PNPLA1: variants seen among roughly 807,000 people sequenced by gnomAD.
PNPLA1 encodes omega-hydroxyceramide transacylase.
A neutral mutation model predicts 51.7 loss-of-function variants in PNPLA1; 36 were observed. The ratio of observed to expected loss-of-function variants is 0.70; its 90% CI spans 0.53 to 0.92. The LOEUF (loss-of-function observed/expected upper bound fraction) is 0.92. PNPLA1 is among the 40% of genes least tolerant of loss of function. The probability of loss-of-function intolerance (pLI) is 0.00; values close to 1 mark genes in which losing one functional copy is unlikely to be tolerated. For missense variants in PNPLA1, 658 were observed against 682.5 expected (o/e 0.96, Z 0.40); for synonymous variants, 293 against 280.1 (o/e 1.05, Z -0.46).
intron 1 of PNPLA1, among the ~76,000 whole-genome samples, chr6:36,248,922 T>C (rs563741384): frequency 6.6e-6 from 1 of 152,338 alleles, no homozygotes; most frequent in Non-Finnish European, 1.5e-5. Flanking sequence ...TCGGCACTGC[T>C]TGTTGCACTG....
chr6:36,277,545 C>T (rs1476972209), intron 1 of PNPLA1, among the ~76,000 whole-genome samples: 1 of 152,192 alleles, frequency 6.6e-6, no homozygotes, highest in Non-Finnish European at 1.5e-5. Context: ...TCTGCCCCTG[C>T]CTGAGACCAA....
chr6:36,301,799 T>C (rs55788625), intron 5 of PNPLA1, 62 bp from the exon 6 acceptor site: 4 of 1,544,494 alleles, frequency 2.6e-6, no homozygotes, highest in African/African-American at 1.4e-5. Context: ...CAAGAAACCA[T>C]TTTTGCAAAG....
chr6:36,297,222 C>T (rs2127348485), intron 5 of PNPLA1, among the ~76,000 whole-genome samples: 1 of 152,336 alleles, frequency 6.6e-6, no homozygotes, highest in African/African-American at 2.4e-5. Context: ...CTCGTGCTGA[C>T]TACCAGCTAT....
At chr6:36,300,699 C>T (rs1048038434) in intron 5 of PNPLA1, among the ~76,000 whole-genome samples, 10 of 152,100 alleles carry the variant, frequency 6.6e-5, no homozygotes, top group Non-Finnish European at 1.3e-4. Flanking sequence ...ACCGCCTGGC[C>T]GAGGTAGTGT....
intron 8 of PNPLA1, among the ~76,000 whole-genome samples, chr6:36,309,849 G>C (rs1040484322): frequency 7.9e-5 from 12 of 152,186 alleles, no homozygotes; most frequent in Admixed American, 4.6e-4. Context: ...GATGGAGAAG[G>C]GGGGAGTGAT....
At chr6:36,255,538 T>C (rs1348317567) in intron 1 of PNPLA1, among the ~76,000 whole-genome samples, 1 of 151,006 alleles carries the variant, frequency 6.6e-6, no homozygotes, top group African/African-American at 2.4e-5. Context: ...AAAAACGAAA[T>C]TGGCCAGGTG....
chr6:36,306,642 T>C (rs1771247156), intron 7 of PNPLA1, among the ~76,000 whole-genome samples: 1 of 152,188 alleles, frequency 6.6e-6, no homozygotes, highest in Non-Finnish European at 1.5e-5. Flanking sequence ...CTTCTCTGAG[T>C]GCAGTGCAAG....
chr6:36,295,299 C>T (rs375596021), intron 4 of PNPLA1, 65 bp from the exon 5 acceptor site: 82 of 1,545,906 alleles, frequency 5.3e-5, no homozygotes, highest in South Asian at 7.8e-5. Flanking sequence ...TGCCCTGGGT[C>T]GGGGGAACTG....
chr6:36,261,724 T>C (rs986246112), intron 1 of PNPLA1, among the ~76,000 whole-genome samples: 6 of 152,222 alleles, frequency 3.9e-5, no homozygotes, highest in African/African-American at 1.4e-4. Context: ...GTTTGATTAT[T>C]TTCCCATTTT....
intron 1 of PNPLA1, among the ~76,000 whole-genome samples, chr6:36,279,186 A>G (rs1770202550): frequency 6.6e-6 from 1 of 152,170 alleles, no homozygotes; most frequent in Non-Finnish European, 1.5e-5. Flanking sequence ...ATCTTGCAAA[A>G]CACATGAGAG....
upstream of PNPLA1, among the ~76,000 whole-genome samples, chr6:36,265,646 G>A (rs1769744054): frequency 6.6e-6 from 1 of 152,174 alleles, no homozygotes; most frequent in Non-Finnish European, 1.5e-5. Flanking sequence ...CACTGGCCAT[G>A]AGGTTTTCAG....
At chr6:36,287,985 G>A (rs183633648) in intron 1 of PNPLA1, among the ~76,000 whole-genome samples, 5 of 152,228 alleles carry the variant, frequency 3.3e-5, no homozygotes, top group East Asian at 1.9e-4. Context: ...TTGGAATGTC[G>A]ACACTGTTTG....
intron 5 of PNPLA1, among the ~76,000 whole-genome samples, chr6:36,300,538 C>G (rs1001590123): frequency 1.3e-5 from 2 of 152,074 alleles, no homozygotes; most frequent in Non-Finnish European, 2.9e-5. Flanking sequence ...TAGAACGTCC[C>G]TCAGTTGGGG....
chr6:36,291,962 C>A (rs1388062355), intron 2 of PNPLA1, among the ~76,000 whole-genome samples: 2 of 152,170 alleles, frequency 1.3e-5, no homozygotes, highest in Non-Finnish European at 2.9e-5. Context: ...CCCCTTTCTG[C>A]CCCCTCTCTT....
rs1770679068 is a variant in PNPLA1 at position 36,291,489 on chromosome 6, C to A, written c.375C>A (p.Thr125=). ...CGGGGAAGCTCCATGTGAGCCTCACCCGCTTAACGGACGGGGAGAATGTGG... is the reference window on the plus strand; with the variant it reads ...CGGGGAAGCTCCATGTGAGCCTCACACGCTTAACGGACGGGGAGAATGTGG... ...VTTGKLHVSL[T]RLTDGENVVV... Residue 125 remains threonine (T), a synonymous_variant, in exon 2 of 9, where the codon ACC becomes ACA. Transcript: ENST00000636260. 4 of 1,610,556 alleles carry A rather than the reference C, an allele frequency of 2.5e-6. No homozygotes were observed. The highest frequency in any genetic ancestry group is 3.4e-6 in the Non-Finnish European group (4 of 1,177,964).
chr6:36,255,805 A>T (rs976349934), intron 1 of PNPLA1, among the ~76,000 whole-genome samples: 2 of 152,226 alleles, frequency 1.3e-5, no homozygotes, highest in African/African-American at 4.8e-5. Context: ...CTTTAATAAC[A>T]ATGCCGCTAA....
chr6:36,253,958 C>G (rs1212713817), intron 1 of PNPLA1, among the ~76,000 whole-genome samples: 1 of 152,118 alleles, frequency 6.6e-6, no homozygotes, highest in Non-Finnish European at 1.5e-5. Context: ...TCTTAGATTC[C>G]TTACAGTCAG....
At chr6:36,283,889 A>G (rs146311458) in intron 1 of PNPLA1, among the ~76,000 whole-genome samples, 299 of 152,350 alleles carry the variant, frequency 2.0e-3, no homozygotes, top group African/African-American at 6.7e-3. Context: ...CACAGCCTAG[A>G]TGAGAGGCAG....
chr6:36,267,089 C>G (rs1251889893), upstream of PNPLA1, among the ~76,000 whole-genome samples: 1 of 152,122 alleles, frequency 6.6e-6, no homozygotes, highest in Non-Finnish European at 1.5e-5. Flanking sequence ...TCTGTTTCTC[C>G]CACGTGATTT....
Sources: allele counts gnomAD v4.1 joint callset (sites outside exome capture counted in the v4.1 genomes callset), GRCh38; gene constraint gnomAD v4.1.1; transcripts MANE v1.5; gene names NCBI Gene and HGNC (gene_info 2026-07-23, HGNC 2026-07-21).